Variants in CYSLTR2 observed in about 807,000 individuals in gnomAD.
The protein encoded by CYSLTR2 is cysteinyl leukotriene receptor 2.
For missense variants in CYSLTR2, 398 were observed against 411.9 expected (o/e 0.97, Z 0.29); for synonymous variants, 179 against 160.8 (o/e 1.11, Z -0.86).
intron 4 of CYSLTR2, among the ~76,000 whole-genome samples, chr13:48,702,471 G>A (rs1207809405): frequency 1.3e-5 from 2 of 152,142 alleles, no homozygotes; most frequent in Admixed American, 6.5e-5. Context: ...GTTAATTTTT[G>A]TATAAGGTGT....
intron 1 of CYSLTR2, among the ~76,000 whole-genome samples, chr13:48,660,256 T>A (rs1489687726): frequency 6.6e-6 from 1 of 152,294 alleles, no homozygotes; most frequent in South Asian, 2.1e-4. Context: ...GATGCCAAAC[T>A]TCTGCTAGGT....
intron 4 of CYSLTR2, among the ~76,000 whole-genome samples, chr13:48,698,304 C>T (rs145454141): frequency 0.013 from 2,002 of 152,322 alleles, 50 homozygotes; most frequent in African/African-American, 0.046. Flanking sequence ...GGAAGCCCAT[C>T]AGACTAACAG....
rs758369813 is a variant in CYSLTR2 at position 48,707,249 on chromosome 13, T to C, written c.432T>C (p.Phe144=). The change falls in exon 5 of 5, where the codon TTT becomes TTC. Residue 144 remains phenylalanine, a synonymous_variant. Transcript: ENST00000682523. ...VVRFLAMVHP[F]RLLHVTSIRS... Reference sequence around the variant, plus strand: ...GTTTCCTGGCAATGGTTCACCCCTTTCGGCTTCTGCATGTCACCAGCATCA... The same window carrying C: ...GTTTCCTGGCAATGGTTCACCCCTTCCGGCTTCTGCATGTCACCAGCATCA... 4 of 1,613,992 alleles carry C rather than the reference T, an allele frequency of 2.5e-6. No homozygotes were observed. The Admixed American group carries it at 5.0e-5, about 20-fold the overall frequency.
intron 1 of CYSLTR2, among the ~76,000 whole-genome samples, chr13:48,687,026 T>C (rs1482142942): frequency 6.6e-6 from 1 of 152,166 alleles, no homozygotes. Context: ...GGGGCCAGAA[T>C]AGAGCAAAAA....
intron 1 of CYSLTR2, among the ~76,000 whole-genome samples, chr13:48,672,455 TC>T (rs1310197904): frequency 2.0e-5 from 3 of 152,294 alleles, no homozygotes; most frequent in Admixed American, 1.3e-4. Context: ...TTTAACTGTG[TC>T]CCAGAGGTTC....
rs187949241 is a variant in CYSLTR2, at chr13:48,687,211, C to T, written c.-265-4001C>T. Among the ~76,000 whole-genome samples the T allele has an allele frequency of 3.4e-3, 513 of 152,098 alleles. 3 individuals are homozygous for T. The highest frequency in any genetic ancestry group is 0.012 in the African/African-American group (483 of 41,506). On this transcript the variant is annotated intron_variant, in intron 1 of 4. Transcript: ENST00000682523. Reference sequence around the variant, plus strand: ...TGAGAATTACACCTGGTTCTGAGGCCATCAAACAGGGACTGAGCCACACTG... The same window carrying T: ...TGAGAATTACACCTGGTTCTGAGGCTATCAAACAGGGACTGAGCCACACTG...
rs61699943 is a variant in CYSLTR2, at chr13:48,673,433, C to CTTTTTTTTTTTTTTTTTTT, written c.-265-17772_-265-17754dup. ...TCAGAGACTAGGATTGTAACCCCGG[C>CTTTTTTTTTTTTTTTTTTT]TTTTTTTTTTTTTTTTTTTTTTTTT... On this transcript the variant is annotated intron_variant, in intron 1 of 4. Transcript: ENST00000682523. 3.9e-4 allele frequency among the ~76,000 whole-genome samples: 19 copies of CTTTTTTTTTTTTTTTTTTT among 48,318 alleles called. 1 individual carries two copies. The highest frequency in any genetic ancestry group is 4.0e-4 in the Non-Finnish European group (11 of 27,258). 31.7% of individuals were successfully genotyped at this position (48,318 alleles called of 152,430 possible). A position where few individuals can be genotyped will look rare whatever the true frequency, so the allele number is the denominator to read the frequency against.
At chr13:48,689,904 A>G (rs1953993666) in intron 1 of CYSLTR2, among the ~76,000 whole-genome samples, 1 of 152,174 alleles carries the variant, frequency 6.6e-6, no homozygotes, top group African/African-American at 2.4e-5. Flanking sequence ...ATGTTTTTCC[A>G]TTTGTTTGTG....
intron 1 of CYSLTR2, among the ~76,000 whole-genome samples, chr13:48,676,394 G>A (rs189003040): frequency 6.6e-6 from 1 of 152,176 alleles, no homozygotes; most frequent in Non-Finnish European, 1.5e-5. Flanking sequence ...CATTTTAATT[G>A]GTTACATCTA....
chr13:48,680,880 G>A (rs1953737978), intron 1 of CYSLTR2, among the ~76,000 whole-genome samples: 1 of 143,522 alleles, frequency 7.0e-6, no homozygotes, highest in African/African-American at 2.6e-5. Context: ...TGGCAGGAAT[G>A]CACAATCAAA....
chr13:48,706,197 T>C (rs916775262), intron 4 of CYSLTR2, among the ~76,000 whole-genome samples: 1 of 152,152 alleles, frequency 6.6e-6, no homozygotes. Flanking sequence ...AGTTTCACCA[T>C]GTTGGCCAGA....
Position 48,707,416 on chromosome 13 carries a change from C to T in CYSLTR2, c.599C>T (p.Thr200Ile). The part of the protein sequence containing the change: ...LNLYKIAKLQ[T>I]MNYIALVVGC... ...CTCTATAAAATTGCTAAGCTGCAGACCATGAACTATATTGCCTTGGTGGTG... is the reference window on the plus strand; with the variant it reads ...CTCTATAAAATTGCTAAGCTGCAGATCATGAACTATATTGCCTTGGTGGTG... The change falls in exon 5 of 5, where the codon ACC becomes ATC. Residue 200 changes from threonine (T) to isoleucine (I), a missense_variant. Coordinates refer to ENST00000682523, the MANE Select transcript of CYSLTR2 (RefSeq NM_001308476.3). 1.2e-6 allele frequency: 2 copies of T among 1,614,122 alleles called. No homozygotes were observed. Among genetic ancestry groups the T allele is most frequent in the Non-Finnish European group, 8.5e-7 (1 of 1,180,032 alleles).
chr13:48,669,411 A>G (rs1953357962), intron 1 of CYSLTR2, among the ~76,000 whole-genome samples: 1 of 152,008 alleles, frequency 6.6e-6, no homozygotes, highest in South Asian at 2.1e-4. Flanking sequence ...ATTTCTCCTA[A>G]TGCTATCCCT....
chr13:48,656,005 A>C (rs1344826642), intron 1 of CYSLTR2, among the ~76,000 whole-genome samples: 1 of 152,266 alleles, frequency 6.6e-6, no homozygotes, highest in African/African-American at 2.4e-5. Flanking sequence ...ATAAGAAAAA[A>C]GCAAGATACA....
Position 48,709,235 on chromosome 13 carries a change from C to A in CYSLTR2, c.*1377C>A, listed in dbSNP as rs1201983745. ...GCTGTCCTTTCCTACCAATTTCCTC[C>A]CCCTCCTCACTCTCACAAGAAAACC... On this transcript the variant is annotated 3_prime_UTR_variant, in exon 5 of 5. Coordinates refer to ENST00000682523, the MANE Select transcript of CYSLTR2 (RefSeq NM_001308476.3). 1 of 167,076 alleles carries A rather than the reference C, an allele frequency of 6.0e-6. No homozygotes were observed. Among genetic ancestry groups the A allele is most frequent in the African/African-American group, 2.4e-5 (1 of 41,446 alleles). The allele number at this position is 167,076 out of a possible 1,614,324, so 10.3% of individuals were successfully genotyped here. A position where few individuals can be genotyped will look rare whatever the true frequency, so the allele number is the denominator to read the frequency against.
At chr13:48,658,642 T>A (rs746934882) in intron 1 of CYSLTR2, among the ~76,000 whole-genome samples, 3 of 152,068 alleles carry the variant, frequency 2.0e-5, no homozygotes, top group Non-Finnish European at 4.4e-5. Flanking sequence ...CAGAGAAGAC[T>A]TTTTCTGAAG....
At chr13:48,681,982 T>C (rs554012529) in intron 1 of CYSLTR2, among the ~76,000 whole-genome samples, 3 of 152,334 alleles carry the variant, frequency 2.0e-5, no homozygotes, top group African/African-American at 7.2e-5. Flanking sequence ...AGGTTCTATA[T>C]GGCCATGTGA....
At chr13:48,664,443 C>T (rs1174391361) in intron 1 of CYSLTR2, among the ~76,000 whole-genome samples, 3 of 151,976 alleles carry the variant, frequency 2.0e-5, no homozygotes, top group Non-Finnish European at 4.4e-5. Context: ...TAAAATTCAT[C>T]AGTGAAGCCA....
At chr13:48,654,304 T>TGTGTGA (rs1566076367) in intron 1 of CYSLTR2, among the ~76,000 whole-genome samples, 2 of 46,836 alleles carry the variant, frequency 4.3e-5, no homozygotes, top group East Asian at 6.1e-4. Flanking sequence ...TGTGTGTGTG[T>TGTGTGA]GAGTGTGTGT....
Sources: allele counts gnomAD v4.1 joint callset (sites outside exome capture counted in the v4.1 genomes callset), GRCh38; gene constraint gnomAD v4.1.1; transcripts MANE v1.5; gene names NCBI Gene and HGNC (gene_info 2026-07-23, HGNC 2026-07-21).